The following CTNNBL1 variants were observed in gnomAD, a reference collection of about 807,000 sequenced individuals.
The protein encoded by CTNNBL1 is catenin beta like 1.
CTNNBL1 carries 31 observed loss-of-function variants against 72.7 expected under a neutral mutation model. That is an observed-to-expected ratio of 0.43 (90% CI 0.32 to 0.58). The LOEUF (loss-of-function observed/expected upper bound fraction) is 0.58, where lower values mean the gene tolerates loss of function less well. Among genes scored for constraint, CTNNBL1 ranks in the 20% least tolerant of loss-of-function variants. CTNNBL1 has a pLI of 0.08. For synonymous variants in CTNNBL1, 240 were observed against 267.3 expected, an observed-to-expected ratio of 0.90 and a Z score of 1.00; for missense variants, 534 against 725.1, an observed-to-expected ratio of 0.74 and a Z score of 3.03.
At chr20:37,851,088 A>G (rs1322561039) in intron 13 of CTNNBL1, among the ~76,000 whole-genome samples, 2 of 152,012 alleles carry the variant, frequency 1.3e-5, no homozygotes, top group African/African-American at 4.8e-5. Flanking sequence ...AGAGGGGGAA[A>G]CACACACACA....
chr20:37,807,607 G>A (rs2071971025), intron 11 of CTNNBL1, among the ~76,000 whole-genome samples: 1 of 152,154 alleles, frequency 6.6e-6, no homozygotes, highest in Non-Finnish European at 1.5e-5. Context: ...CTCTAAAGAG[G>A]GGAGTAAAAG....
chr20:37,815,432 C>G (rs2072047989), intron 11 of CTNNBL1, among the ~76,000 whole-genome samples: 1 of 152,018 alleles, frequency 6.6e-6, no homozygotes, highest in South Asian at 2.1e-4. Context: ...ATTCTCCTGC[C>G]TCAGCCTCCC....
intron 10 of CTNNBL1, among the ~76,000 whole-genome samples, chr20:37,793,246 G>A (rs552206400): frequency 5.3e-5 from 8 of 152,148 alleles, no homozygotes; most frequent in East Asian, 3.9e-4. Flanking sequence ...ACTGTAATTC[G>A]GGATATGTCT....
chr20:37,746,632 T>C (rs375830393), intron 4 of CTNNBL1, 25 bp downstream of exon 4: 103 of 1,613,736 alleles, frequency 6.4e-5, no homozygotes, highest in Non-Finnish European at 8.1e-5. Flanking sequence ...CTGACCTCAG[T>C]AGGAGAGCTG....
At chr20:37,723,614 TG>T (rs1390850495) in intron 1 of CTNNBL1, among the ~76,000 whole-genome samples, 23 of 152,340 alleles carry the variant, frequency 1.5e-4, no homozygotes, top group Middle Eastern at 3.4e-3. Flanking sequence ...TATTTATATT[TG>T]AATATCTGGC....
At chr20:37,807,414 G>A (rs2071969319) in intron 11 of CTNNBL1, among the ~76,000 whole-genome samples, 1 of 152,160 alleles carries the variant, frequency 6.6e-6, no homozygotes, top group South Asian at 2.1e-4. Flanking sequence ...GCCAGGAGAG[G>A]GTAGGTTGGT....
At chr20:37,864,411 C>A (rs960042241) in intron 15 of CTNNBL1, among the ~76,000 whole-genome samples, 1 of 152,058 alleles carries the variant, frequency 6.6e-6, no homozygotes, top group Non-Finnish European at 1.5e-5. Context: ...GCTGATGTAT[C>A]CCTTGAGGTC....
chr20:37,817,421 T>A (rs1600506615), intron 11 of CTNNBL1, among the ~76,000 whole-genome samples: 1 of 152,234 alleles, frequency 6.6e-6, no homozygotes, highest in African/African-American at 2.4e-5. Flanking sequence ...TATAATAAAG[T>A]TTTTAAAATA....
intron 7 of CTNNBL1, among the ~76,000 whole-genome samples, chr20:37,770,442 A>G (rs888708283): frequency 2.0e-5 from 3 of 152,204 alleles, no homozygotes; most frequent in Non-Finnish European, 2.9e-5. Flanking sequence ...AATACACAAA[A>G]TAATTCAATA....
intron 4 of CTNNBL1, chr20:37,757,144 C>G (rs1238410705): frequency 6.5e-6 from 1 of 153,608 alleles, no homozygotes; most frequent in Non-Finnish European, 1.4e-5. Flanking sequence ...TGAACATCAG[C>G]CACCTCTTCT....
At chr20:37,744,281 A>G (rs1600458202) in intron 3 of CTNNBL1, among the ~76,000 whole-genome samples, 1 of 152,216 alleles carries the variant, frequency 6.6e-6, no homozygotes, top group Non-Finnish European at 1.5e-5. Flanking sequence ...TAGGCACTTC[A>G]TGCACTATTG....
At chr20:37,851,039 C>T (rs2122838976) in intron 13 of CTNNBL1, among the ~76,000 whole-genome samples, 1 of 152,256 alleles carries the variant, frequency 6.6e-6, no homozygotes, top group African/African-American at 2.4e-5. Context: ...GTAGTGCTCC[C>T]AAGGACAGAT....
chr20:37,740,098 TA>T (rs991433566), intron 3 of CTNNBL1, among the ~76,000 whole-genome samples: 1 of 152,174 alleles, frequency 6.6e-6, no homozygotes, highest in Non-Finnish European at 1.5e-5. Flanking sequence ...TGATTTTATT[TA>T]AAAAAATCGG....
chr20:37,746,405 T>C, intron 3 of CTNNBL1, 63 bp from the exon 4 acceptor site: 1 of 1,564,714 alleles, frequency 6.4e-7, no homozygotes, highest in Admixed American at 1.7e-5. Flanking sequence ...AGATTGTTGC[T>C]GTTTGCTCCT....
chr20:37,778,848 C>T (rs1481164846), intron 9 of CTNNBL1, among the ~76,000 whole-genome samples: 1 of 151,882 alleles, frequency 6.6e-6, no homozygotes, highest in Non-Finnish European at 1.5e-5. Context: ...TTTTATATGT[C>T]CTTTATGGAG....
chr20:37,796,666 G>GT (rs1173098181), intron 10 of CTNNBL1, among the ~76,000 whole-genome samples: 2 of 152,004 alleles, frequency 1.3e-5, no homozygotes, highest in African/African-American at 4.8e-5. Flanking sequence ...TCATAACATG[G>GT]TTATTTGTTG....
At chr20:37,807,461 G>A (rs1323873374) in intron 11 of CTNNBL1, among the ~76,000 whole-genome samples, 1 of 152,192 alleles carries the variant, frequency 6.6e-6, no homozygotes, top group Non-Finnish European at 1.5e-5. Context: ...CATGATAACT[G>A]TGGGCAAATG....
intron 1 of CTNNBL1, among the ~76,000 whole-genome samples, chr20:37,722,079 A>C (rs146555607): frequency 6.6e-6 from 1 of 152,112 alleles, no homozygotes; most frequent in African/African-American, 2.4e-5. Context: ...CATTTCCCTG[A>C]TTTCTAATGA....
intron 15 of CTNNBL1, among the ~76,000 whole-genome samples, chr20:37,861,284 C>T (rs916116893): frequency 1.3e-5 from 2 of 152,198 alleles, no homozygotes; most frequent in African/African-American, 2.4e-5. Flanking sequence ...TTGACTGGAC[C>T]TGACTCAGCT....
Sources: allele counts gnomAD v4.1 joint callset (sites outside exome capture counted in the v4.1 genomes callset), GRCh38; gene constraint gnomAD v4.1.1; transcripts MANE v1.5; gene names NCBI Gene and HGNC (gene_info 2026-07-23, HGNC 2026-07-21).